Variants in SYNE1 observed in about 807,000 individuals in gnomAD.
SYNE1 encodes the protein spectrin repeat containing nuclear envelope protein 1, also known as nesprin-1.
A neutral mutation model predicts 1,111.0 loss-of-function variants in SYNE1; 616 were observed. The observed-to-expected ratio is 0.55, with a 90% CI of 0.52 to 0.59. The LOEUF is 0.59. Ranked by LOEUF, SYNE1 falls within the 20% of genes least tolerant of loss-of-function variation. The pLI is 0.00. For synonymous variants in SYNE1, 3,855 were observed against 3,825.8 expected, an observed-to-expected ratio of 1.01 and a Z score of -0.28; for missense variants, 10,006 against 10,417.0, an observed-to-expected ratio of 0.96 and a Z score of 1.72.
chr6:152,176,710 A>T, intron 129 of SYNE1, 150 bp from the exon 130 acceptor site: 1 of 786,846 alleles, frequency 1.3e-6, no homozygotes, highest in Non-Finnish European at 2.1e-6. Context: ...CCATGTGCAC[A>T]AGTATTAGTA....
intron 3 of SYNE1, among the ~76,000 whole-genome samples, chr6:152,561,023 C>A (rs1428138526): frequency 6.6e-6 from 1 of 152,138 alleles, no homozygotes; most frequent in Non-Finnish European, 1.5e-5. Flanking sequence ...GCTGCCCACT[C>A]TCACAGAGTG....
chr6:152,201,729 T>C, intron 127 of SYNE1, 95 bp downstream of exon 127: 1 of 1,582,338 alleles, frequency 6.3e-7, no homozygotes, highest in Non-Finnish European at 8.7e-7. Flanking sequence ...TGTATCTGCA[T>C]GTAGATAACC....
chr6:152,313,464 C>CTTT (rs35627993), intron 87 of SYNE1, among the ~76,000 whole-genome samples: 3 of 135,636 alleles, frequency 2.2e-5, no homozygotes, highest in Admixed American at 7.5e-5. Flanking sequence ...ATTTTCTTTT[C>CTTT]TTTTTTTTTT....
chr6:152,399,316 C>T (rs2097777783), intron 48 of SYNE1, among the ~76,000 whole-genome samples: 2 of 152,236 alleles, frequency 1.3e-5, no homozygotes, highest in African/African-American at 4.8e-5. Context: ...GCCACTTGAG[C>T]AGTGGAAGTA....
chr6:152,560,011 AG>A (rs1310475357), intron 3 of SYNE1, among the ~76,000 whole-genome samples: 2 of 152,188 alleles, frequency 1.3e-5, no homozygotes, highest in African/African-American at 4.8e-5. Flanking sequence ...ATAATCTAGA[AG>A]AAATGGATAA....
At chr6:152,561,676 T>G (rs568419761) in intron 3 of SYNE1, among the ~76,000 whole-genome samples, 1 of 152,220 alleles carries the variant, frequency 6.6e-6, no homozygotes, top group Non-Finnish European at 1.5e-5. Context: ...ATTATATAGC[T>G]ATAGTGATCA....
In SYNE1 at chr6:152,354,663, A is replaced by T; in HGVS notation, c.10922T>A (p.Met3641Lys). ...RATKEIQLHQ[M>K]KKWHEEVTAY... ...AGGAATCTACATGAGTTGTACCTTC[A>T]TCTGATGTAATTGTATCTCCTTGGT... The change falls in exon 67 of 146, where the codon ATG (methionine) becomes AAG (lysine). Residue 3641 changes from methionine to lysine, a missense_variant. Coordinates refer to ENST00000367255, the MANE Select transcript of SYNE1 (RefSeq NM_182961.4). 1 of 1,614,202 alleles carries T rather than the reference A, an allele frequency of 6.2e-7. No individual in the cohort carries two copies. The highest frequency in any genetic ancestry group is 8.5e-7 in the Non-Finnish European group (1 of 1,180,012).
intron 118 of SYNE1, 74 bp from the exon 119 acceptor site, chr6:152,221,120 T>A: frequency 6.9e-7 from 1 of 1,458,826 alleles, no homozygotes; most frequent in Non-Finnish European, 9.6e-7. Context: ...ATTTTATTTT[T>A]CATGATCCTG....
chr6:152,173,228 C>T (rs2763035), intron 130 of SYNE1, among the ~76,000 whole-genome samples: 21,616 of 152,124 alleles, frequency 0.14, 2,351 homozygotes, highest in East Asian at 0.3. Flanking sequence ...CTAAATTATG[C>T]GTTCTATTTT....
At chr6:152,412,195 G>A (rs2098067610) in intron 42 of SYNE1, among the ~76,000 whole-genome samples, 1 of 152,202 alleles carries the variant, frequency 6.6e-6, no homozygotes, top group South Asian at 2.1e-4. Context: ...GCTGAGGCAG[G>A]TGGATCATGA....
rs1480377849 is a variant in SYNE1 at position 152,330,724 on chromosome 6, A to G, written c.13961T>C (p.Val4654Ala). ...CTTGTCTTTAGCCAAGGCAACAATTACATTAAATTGTCGAGGCAAAGCATT... is the reference window on the plus strand; with the variant it reads ...CTTGTCTTTAGCCAAGGCAACAATTGCATTAAATTGTCGAGGCAAAGCATT... ...KLNALPRQFN[V>A]IVALAKDKFY... Residue 4654 changes from valine to alanine, a missense_variant, in exon 78 of 146, where the codon GTA becomes GCA. Val to Ala is a moderately conservative substitution (Grantham distance 64, BLOSUM62 0). Transcript: ENST00000367255. The G allele has an allele frequency of 1.9e-6, 3 of 1,613,962 alleles. No homozygotes were observed. Among genetic ancestry groups the G allele is most frequent in the Non-Finnish European group, 2.5e-6 (3 of 1,180,034 alleles).
rs1473867283 is a variant in SYNE1 at position 152,347,235 on chromosome 6, C to T, written c.11902G>A (p.Ala3968Thr). 3.7e-6 allele frequency: 6 copies of T among 1,613,994 alleles called. No individual in the cohort carries two copies. The highest frequency in any genetic ancestry group is 5.1e-6 in the Non-Finnish European group (6 of 1,180,030). The change falls in exon 73 of 146, where the codon GCA becomes ACA. Residue 3968 changes from alanine to threonine, a missense_variant and splice_region_variant. Around this residue, in one of 7 missense-constraint regions of SYNE1, gnomAD observed 4,955 missense variants for 5,017.2 expected, o/e 0.99. Transcript: ENST00000367255. ...TITQQLAHHKAMMEEIAGFED... is the reference protein window; with the variant it reads ...TITQQLAHHKTMMEEIAGFED... ...AAACCAGCAATTTCTTCCATCATTG[C>T]CTGCAAAAGTGAAACCAATACAGAG...
intron 3 of SYNE1, among the ~76,000 whole-genome samples, chr6:152,562,927 A>G (rs964217191): frequency 6.6e-6 from 1 of 152,178 alleles, no homozygotes; most frequent in African/African-American, 2.4e-5. Flanking sequence ...CACTTCCACT[A>G]GTTTTAGGTT....
intron 132 of SYNE1, 160 bp from the exon 133 acceptor site, chr6:152,155,202 A>G: frequency 1.4e-6 from 1 of 733,320 alleles, no homozygotes; most frequent in Non-Finnish European, 2.3e-6. Flanking sequence ...AGAGCAAGAG[A>G]GACAACTGCT....
At chr6:152,376,987 T>C in intron 56 of SYNE1, 75 bp from the exon 57 acceptor site, 2 of 1,540,970 alleles carry the variant, frequency 1.3e-6, no homozygotes, top group Non-Finnish European at 1.8e-6. Context: ...TATACATGCA[T>C]CAATCATATT....
At position 152,521,375 on chromosome 6, in the gene SYNE1, T is replaced by C. The variant is rs2099138528; in HGVS notation, c.226-833A>G. Reference sequence around the variant, plus strand: ...TTTCTCTTGGACATGTACCTGAGAGTAGAATTGCTGAGTCGAAGGGAATGT... The same window carrying C: ...TTTCTCTTGGACATGTACCTGAGAGCAGAATTGCTGAGTCGAAGGGAATGT... On this transcript the variant is annotated intron_variant, in intron 5 of 145. Transcript: ENST00000367255. Among the ~76,000 whole-genome samples the C allele has an allele frequency of 2.6e-5, 4 of 152,140 alleles. No homozygotes were observed. The South Asian group carries it at 8.3e-4, about 32-fold the overall frequency.
intron 93 of SYNE1, among the ~76,000 whole-genome samples, chr6:152,299,354 T>C (rs2095050993): frequency 6.6e-6 from 1 of 152,198 alleles, no homozygotes; most frequent in African/African-American, 2.4e-5. Flanking sequence ...GTAATACATA[T>C]TTTAAAATGA....
At chr6:152,353,505 T>C in intron 68 of SYNE1, 72 bp from the exon 69 acceptor site, 1 of 1,612,940 alleles carries the variant, frequency 6.2e-7, no homozygotes, top group Non-Finnish European at 8.5e-7. Flanking sequence ...TGAATATGTA[T>C]CTTCACTGGA....
rs541674118 is a variant in SYNE1, at chr6:152,383,176, A to G, written c.8653-1814T>C. On this transcript the variant is annotated intron_variant, in intron 55 of 145. Coordinates refer to ENST00000367255, the MANE Select transcript of SYNE1 (RefSeq NM_182961.4). Reference sequence around the variant, plus strand: ...TGATAGTCTTCACTTTCTCCATCCCAATTTCTTTCTGCCAATTCCTTCTCC... The same window carrying G: ...TGATAGTCTTCACTTTCTCCATCCCGATTTCTTTCTGCCAATTCCTTCTCC... Among the ~76,000 whole-genome samples, 6 of 152,184 alleles carry G rather than the reference A, an allele frequency of 3.9e-5. No homozygotes were observed. The South Asian group carries it at 1.2e-3, about 32-fold the overall frequency.
Sources: allele counts gnomAD v4.1 joint callset (sites outside exome capture counted in the v4.1 genomes callset), GRCh38; gene constraint gnomAD v4.1.1; regional missense constraint gnomAD v4.1.1; transcripts MANE v1.5; gene names NCBI Gene and HGNC (gene_info 2026-07-23, HGNC 2026-07-21).